PIK3R3: variants seen among roughly 807,000 people sequenced by gnomAD.
PIK3R3 encodes phosphoinositide-3-kinase regulatory subunit 3, also known as phosphatidylinositol 3-kinase regulatory subunit gamma.
Under a neutral mutation model 62.9 loss-of-function variants are expected in PIK3R3, and 64 were observed. The observed-to-expected ratio is 1.02, with a 90% CI of 0.83 to 1.25. The LOEUF (loss-of-function observed/expected upper bound fraction) is 1.25. Among genes scored for constraint, PIK3R3 ranks in the 50% most tolerant of loss-of-function variants. PIK3R3 has a pLI of 0.00. For missense variants in PIK3R3, 614 were observed against 561.6 expected (o/e 1.09, Z -0.94); for synonymous variants, 165 against 189.0 (o/e 0.87, Z 1.04).
intron 1 of PIK3R3, among the ~76,000 whole-genome samples, chr1:46,127,693 G>C (rs769828064): frequency 2.6e-5 from 4 of 152,112 alleles, no homozygotes; most frequent in African/African-American, 9.7e-5. Flanking sequence ...GCGATTCTCT[G>C]TACTACAATC....
At chr1:46,077,872 A>C (rs1650215713) in intron 2 of PIK3R3, among the ~76,000 whole-genome samples, 2 of 152,218 alleles carry the variant, frequency 1.3e-5, no homozygotes, top group African/African-American at 4.8e-5. Context: ...AATGTGTGTA[A>C]GAGATACTGT....
At chr1:46,054,397 C>CAAAAAAAAAAAAAA (rs10649671) in intron 7 of PIK3R3, among the ~76,000 whole-genome samples, 1 of 80,048 alleles carries the variant, frequency 1.2e-5, no homozygotes, top group Admixed American at 1.6e-4. Context: ...CTCCGCCTCA[C>CAAAAAAAAAAAAAA]AAAAAAAAAA....
chr1:46,080,843 A>G (rs1650514923), intron 1 of PIK3R3, 93 bp from the exon 2 acceptor site: 1 of 727,736 alleles, frequency 1.4e-6, no homozygotes, highest in Admixed American at 2.3e-5. Context: ...GTATGTTAAG[A>G]TTCTAATAAT....
At chr1:46,106,041 G>A (rs1653176362) in intron 1 of PIK3R3, among the ~76,000 whole-genome samples, 1 of 152,116 alleles carries the variant, frequency 6.6e-6, no homozygotes. Flanking sequence ...TATAAAAACT[G>A]ATGAATAATA....
At chr1:46,160,592 A>G in the PIK3R3 span, among the ~76,000 whole-genome samples, 6 of 152,252 alleles carry the variant, frequency 3.9e-5, no homozygotes, top group Non-Finnish European at 7.3e-5. Context: ...GTTGACTTCC[A>G]TCTCAAGTAT....
intron 1 of PIK3R3, among the ~76,000 whole-genome samples, chr1:46,101,922 C>T (rs1652714949): frequency 6.8e-6 from 1 of 146,290 alleles, no homozygotes; most frequent in South Asian, 2.2e-4. Context: ...TTTTGTCATT[C>T]GTATTTTATA....
chr1:46,071,710 A>ATAT (rs1394374498), intron 3 of PIK3R3, among the ~76,000 whole-genome samples: 69 of 41,102 alleles, frequency 1.7e-3, no homozygotes, highest in South Asian at 2.9e-3. Flanking sequence ...AAAAAAAAAA[A>ATAT]AAATATATAT....
Position 46,043,084 on chromosome 1 carries a change from G to C in PIK3R3, c.*589C>G. 4.4e-6 allele frequency: 1 copy of C among 227,922 alleles called. No individual in the cohort carries two copies. Among genetic ancestry groups the C allele is most frequent in the Non-Finnish European group, 8.7e-6 (1 of 114,642 alleles). 14.1% of individuals were successfully genotyped at this position (227,922 alleles called of 1,614,324 possible). A position where few individuals can be genotyped will look rare whatever the true frequency, so the allele number is the denominator to read the frequency against. On this transcript the variant is annotated 3_prime_UTR_variant, in exon 10 of 10. Coordinates refer to ENST00000262741, the MANE Select transcript of PIK3R3 (RefSeq NM_003629.4). ...GAGATGCTGAAGCCTAAATTATGTT[G>C]GTAAGAAACAAAATACCTTCAGTTG... is the stretch of plus-strand genomic sequence containing the variant.
At chr1:46,065,031 C>T (rs1648866590) in intron 5 of PIK3R3, among the ~76,000 whole-genome samples, 2 of 152,060 alleles carry the variant, frequency 1.3e-5, no homozygotes, top group South Asian at 4.1e-4. Context: ...GGAATTAAGT[C>T]GAATCAACAT....
At chr1:46,057,805 C>A (rs1648072131) in intron 6 of PIK3R3, among the ~76,000 whole-genome samples, 1 of 152,086 alleles carries the variant, frequency 6.6e-6, no homozygotes, top group African/African-American at 2.4e-5. Context: ...AGAGAAACAG[C>A]ATAAAAGTTT....
At chr1:46,137,820 G>A (rs1239113636), upstream of PIK3R3, among the ~76,000 whole-genome samples, 1 of 152,246 alleles carries the variant, frequency 6.6e-6, no homozygotes, top group African/African-American at 2.4e-5. Context: ...AAAAGTGCAA[G>A]TAAACTCTCC....
intron 1 of PIK3R3, chr1:46,105,081 T>C (rs1251799314): frequency 3.2e-5 from 24 of 746,758 alleles, no homozygotes; most frequent in Non-Finnish European, 5.7e-5. Flanking sequence ...ACTTTCTCTA[T>C]TGCTGTATGG....
At chr1:46,104,794 T>C (rs895471661) in intron 1 of PIK3R3, among the ~76,000 whole-genome samples, 8 of 151,820 alleles carry the variant, frequency 5.3e-5, no homozygotes, top group Non-Finnish European at 1.0e-4. Flanking sequence ...TAGCTGGGCA[T>C]GGTGGCAAGC....
In PIK3R3 at chr1:46,107,684, C is replaced by T. The variant is rs557659928; in HGVS notation, c.106+24163G>A. On this transcript the variant is annotated intron_variant, in intron 1 of 9. Transcript: ENST00000262741. ...AAATATGATTATCTCCAAAGTCTTT[C>T]TTCGACTCTAGCCTACATCTTTCTT... Among the ~76,000 whole-genome samples the T allele has an allele frequency of 2.0e-5, 3 of 152,320 alleles. No homozygotes were observed. In the South Asian group the frequency reaches 6.2e-4, roughly 32 times the overall value.
At chr1:46,140,307 T>TTTA in the PIK3R3 span, among the ~76,000 whole-genome samples, 1 of 152,158 alleles carries the variant, frequency 6.6e-6, no homozygotes, top group Admixed American at 6.6e-5. Context: ...CTCTGAAATC[T>TTTA]TTAATAGATG....
chr1:46,114,229 C>T (rs1247723339), intron 1 of PIK3R3, among the ~76,000 whole-genome samples: 1 of 152,154 alleles, frequency 6.6e-6, no homozygotes, highest in Non-Finnish European at 1.5e-5. Context: ...GGCCAACCAC[C>T]CAAGCCACAT....
the PIK3R3 span, among the ~76,000 whole-genome samples, chr1:46,162,563 C>T: frequency 6.6e-6 from 1 of 151,956 alleles, no homozygotes; most frequent in African/African-American, 2.4e-5. Context: ...ACATATACCC[C>T]AAAATTTAAA....
At chr1:46,088,946 T>A (rs1651347482) in intron 1 of PIK3R3, among the ~76,000 whole-genome samples, 1 of 151,530 alleles carries the variant, frequency 6.6e-6, no homozygotes, top group Admixed American at 6.6e-5. Flanking sequence ...CACTGGAGAC[T>A]AGCAACACTG....
At chr1:46,130,341 A>T (rs1321976948) in intron 1 of PIK3R3, among the ~76,000 whole-genome samples, 1 of 152,206 alleles carries the variant, frequency 6.6e-6, no homozygotes, top group African/African-American at 2.4e-5. Context: ...AACATGCTTT[A>T]CCGTTAGGGG....
Sources: allele counts gnomAD v4.1 joint callset (sites outside exome capture counted in the v4.1 genomes callset), GRCh38; gene constraint gnomAD v4.1.1; transcripts MANE v1.5; gene names NCBI Gene and HGNC (gene_info 2026-07-23, HGNC 2026-07-21).